The following TMEM260 variants were observed in gnomAD, a reference collection of about 807,000 sequenced individuals.
TMEM260 encodes transmembrane protein 260, also known as protein O-mannosyl-transferase TMEM260.
Under a neutral mutation model 88.9 loss-of-function variants are expected in TMEM260, and 82 were observed. The observed-to-expected ratio is 0.92, with a 90% CI of 0.77 to 1.11. TMEM260 has a LOEUF of 1.11. TMEM260 is among the 50% of genes least tolerant of loss of function. TMEM260 has a pLI of 0.00. For synonymous variants in TMEM260, 314 were observed against 309.3 expected, an observed-to-expected ratio of 1.02 and a Z score of -0.16; for missense variants, 902 against 853.4, an observed-to-expected ratio of 1.06 and a Z score of -0.71.
chr14:56,597,293 A>G (rs574511087), intron 3 of TMEM260, among the ~76,000 whole-genome samples: 6 of 152,338 alleles, frequency 3.9e-5, no homozygotes, highest in Non-Finnish European at 7.3e-5. Flanking sequence ...CAGATTTTCT[A>G]ATTAGAAATG....
In TMEM260 at chr14:56,585,116, T is replaced by C. The variant is rs548055179; in HGVS notation, c.192+84T>C. On this transcript the variant is annotated intron_variant, in intron 2 of 15. Coordinates refer to ENST00000261556, the MANE Select transcript of TMEM260 (RefSeq NM_017799.4). ...AAGTTTAATTAAGCATGGAGTAAAG[T>C]AGATTAATTTATTTTCAAACCCCCG... The C allele has an allele frequency of 2.4e-5, 31 of 1,271,748 alleles. No individual in the cohort carries two copies. In the Admixed American group the frequency reaches 4.9e-4, roughly 20 times the overall value. The allele number at this position is 1,271,748 out of a possible 1,614,324, so 78.8% of individuals were successfully genotyped here. A position where few individuals can be genotyped will look rare whatever the true frequency, so the allele number is the denominator to read the frequency against.
intron 15 of TMEM260, among the ~76,000 whole-genome samples, chr14:56,645,499 G>T (rs1443265955): frequency 7.8e-6 from 1 of 127,508 alleles, no homozygotes; most frequent in Non-Finnish European, 1.8e-5. Flanking sequence ...GTTGTGGGGT[G>T]GGGGTAGGGG....
intron 1 of TMEM260, among the ~76,000 whole-genome samples, chr14:56,581,350 T>A (rs1885120103): frequency 6.6e-6 from 1 of 152,172 alleles, no homozygotes; most frequent in Non-Finnish European, 1.5e-5. Context: ...ATGTTACATC[T>A]TCAAATTGTT....
Position 56,636,618 on chromosome 14 carries a change from G to A in TMEM260, c.1869+20G>A, listed in dbSNP as rs1244723896. 6 of 1,589,316 alleles carry A rather than the reference G, an allele frequency of 3.8e-6. No homozygotes were observed. Among genetic ancestry groups the A allele is most frequent in the African/African-American group, 1.3e-5 (1 of 74,424 alleles). On this transcript the variant is annotated intron_variant, in intron 15 of 15. Transcript: ENST00000261556. ...TATGACGTATGTTACACTTTTATAT[G>A]TAGATATAGATATATTTGGTGGGAA...
chr14:56,651,950 G>T (rs565191196), downstream of TMEM260, among the ~76,000 whole-genome samples: 67 of 152,044 alleles, frequency 4.4e-4, no homozygotes, highest in African/African-American at 1.6e-3. Flanking sequence ...TATCTGAAAG[G>T]GTATTTTTTG....
intron 3 of TMEM260, among the ~76,000 whole-genome samples, chr14:56,588,984 T>G (rs1438191215): frequency 6.6e-6 from 1 of 152,016 alleles, no homozygotes; most frequent in African/African-American, 2.4e-5. Context: ...AATTTTAAAG[T>G]TATAGGTAAT....
At chr14:56,612,388 C>A in intron 7 of TMEM260, 103 bp downstream of exon 7, 1 of 1,011,344 alleles carries the variant, frequency 9.9e-7, no homozygotes, top group Non-Finnish European at 1.5e-6. Context: ...CAAAGTATGT[C>A]TGAGAAGTAG....
chr14:56,644,570 A>G (rs1455567646), intron 15 of TMEM260, among the ~76,000 whole-genome samples: 1 of 152,206 alleles, frequency 6.6e-6, no homozygotes, highest in Non-Finnish European at 1.5e-5. Context: ...CCTAGGCAGT[A>G]CCATTCAGGA....
In TMEM260 at chr14:56,647,428, T is replaced by C. The variant is rs142403111; in HGVS notation, c.2055T>C (p.Ala685=). 1.2e-6 allele frequency: 2 copies of C among 1,614,170 alleles called. No individual in the cohort carries two copies. Among genetic ancestry groups the C allele is most frequent in the African/African-American group, 2.7e-5 (2 of 75,030 alleles). Residue 685 remains alanine, a synonymous_variant, in exon 16 of 16, where the codon GCT becomes GCC. Coordinates refer to ENST00000261556, the MANE Select transcript of TMEM260 (RefSeq NM_017799.4). ...SQKAPNDPQQ[A]DILGALKHLR... ...AAGCACCGAATGACCCACAGCAAGCTGATATTTTAGGTGCTCTAAAGCACC... is the reference window on the plus strand; with the variant it reads ...AAGCACCGAATGACCCACAGCAAGCCGATATTTTAGGTGCTCTAAAGCACC...
intron 1 of TMEM260, among the ~76,000 whole-genome samples, chr14:56,580,802 T>A (rs1470405430): frequency 6.6e-6 from 1 of 152,224 alleles, no homozygotes; most frequent in East Asian, 1.9e-4. Flanking sequence ...TGTTTTGTTT[T>A]TGGATTCAAT....
At position 56,613,910 on chromosome 14, in the gene TMEM260, A is replaced by AAAAAAAAAAAAAAAAAAAAAAAT. The variant is rs1465604052; in HGVS notation, c.857+1625_857+1626insAAAAAAAAAAAAAAAAAAAAAAT. 4.2e-5 allele frequency: 6 copies of AAAAAAAAAAAAAAAAAAAAAAAT among 144,432 alleles called. No individual in the cohort carries two copies. In the East Asian group the frequency reaches 6.6e-4, roughly 16 times the overall value. 8.9% of individuals were successfully genotyped at this position (144,432 alleles called of 1,614,324 possible). On this transcript the variant is annotated intron_variant, in intron 7 of 15. Coordinates refer to ENST00000261556, the MANE Select transcript of TMEM260 (RefSeq NM_017799.4). ...CCCGTCTCTGCAAAAAAAAAAAAAA[A>AAAAAAAAAAAAAAAAAAAAAAAT]TTTTTTTTTTGAGATGGCGTCTTGC... is the stretch of plus-strand genomic sequence containing the variant.
intron 6 of TMEM260, 79 bp downstream of exon 6, chr14:56,609,364 CAA>C: frequency 7.8e-7 from 1 of 1,288,432 alleles, no homozygotes; most frequent in Non-Finnish European, 1.1e-6. Context: ...ATTAAAAAAA[CAA>C]TATTTGTCAA....
At position 56,605,180 on chromosome 14, in the gene TMEM260, G is replaced by C. The variant is rs550247398; in HGVS notation, c.523-390G>C. The stretch of plus-strand genomic sequence containing the variant: ...CAAAACCAACACCCAGAGATAACCA[G>C]ATTTCTAAATAAAAGAGGCTATATT... On this transcript the variant is annotated intron_variant, in intron 4 of 15. Coordinates refer to ENST00000261556, the MANE Select transcript of TMEM260 (RefSeq NM_017799.4). Among the ~76,000 whole-genome samples, 235 of 152,168 alleles carry C rather than the reference G, an allele frequency of 1.5e-3. 3 individuals are homozygous for C. The South Asian group carries it at 0.024, about 15-fold the overall frequency.
Position 56,585,003 on chromosome 14 carries a change from G to T in TMEM260, c.163G>T (p.Glu55Ter), listed in dbSNP as rs1436738823. The T allele has an allele frequency of 3.1e-6, 5 of 1,611,404 alleles. No homozygotes were observed. The highest frequency in any genetic ancestry group is 1.7e-5 in the Admixed American group (1 of 59,594). Residue 55 changes from glutamate (E) to a stop codon, truncating the protein, a stop_gained and splice_region_variant, in exon 2 of 16, where the codon GAA becomes TAA. Coordinates refer to ENST00000261556, the MANE Select transcript of TMEM260 (RefSeq NM_017799.4). LOFTEE classifies it high-confidence loss of function. Reference protein sequence around the residue: ...PPSVPGGDSGELITAAHELGV... With the variant: ...PPSVPGGDSG Reference sequence around the variant, plus strand: ...GGTTTTACATTATTTTTTCACAGGGGAACTGATCACAGCCGCACATGAGCT... The same window carrying T: ...GGTTTTACATTATTTTTTCACAGGGTAACTGATCACAGCCGCACATGAGCT...
chr14:56,644,718 C>G (rs1594902713), intron 15 of TMEM260, among the ~76,000 whole-genome samples: 1 of 152,170 alleles, frequency 6.6e-6, no homozygotes, highest in Middle Eastern at 3.4e-3. Flanking sequence ...AACAGGCAAC[C>G]TACAGAATGG....
At chr14:56,643,097 G>C (rs1889718357) in intron 15 of TMEM260, among the ~76,000 whole-genome samples, 1 of 152,152 alleles carries the variant, frequency 6.6e-6, no homozygotes, top group Non-Finnish European at 1.5e-5. Flanking sequence ...AGGAGGAACT[G>C]GTACCATTCC....
chr14:56,661,964 G>A, the TMEM260 span, among the ~76,000 whole-genome samples: 3 of 152,252 alleles, frequency 2.0e-5, no homozygotes, highest in Non-Finnish European at 2.9e-5. Context: ...TTAGACCTTC[G>A]GGATTATAAG....
At chr14:56,647,176 T>G (rs1334380248) in intron 15 of TMEM260, 67 bp from the exon 16 acceptor site, 5 of 1,514,392 alleles carry the variant, frequency 3.3e-6, no homozygotes, top group Admixed American at 2.3e-5. Flanking sequence ...CTCTGTGTTT[T>G]TTTGTTTTTG....
chr14:56,650,525 A>ACT (rs1239439730), downstream of TMEM260: 2 of 153,262 alleles, frequency 1.3e-5, no homozygotes, highest in African/African-American at 4.8e-5. Context: ...CTGTTCTGTT[A>ACT]CTCAAAATGT....
Sources: gnomAD v4.1 joint callset for allele counts (sites outside exome capture counted in the v4.1 genomes callset) on GRCh38, gnomAD v4.1.1 for gene constraint, MANE v1.5 for transcripts, NCBI Gene and HGNC (gene_info 2026-07-23, HGNC 2026-07-21) for gene names.